CLEC16A: variants seen among roughly 807,000 people sequenced by gnomAD.
The protein encoded by CLEC16A is protein CLEC16A.
Under a neutral mutation model 109.5 loss-of-function variants are expected in CLEC16A, and 51 were observed. The observed-to-expected ratio is 0.47, with a 90% CI of 0.37 to 0.59. The LOEUF (loss-of-function observed/expected upper bound fraction) is 0.59, where lower values mean the gene tolerates loss of function less well. Among genes scored for constraint, CLEC16A ranks in the 20% least tolerant of loss-of-function variants. The probability of loss-of-function intolerance (pLI) is 0.00; values close to 1 mark genes in which losing one functional copy is unlikely to be tolerated. For missense variants in CLEC16A, 1,339 were observed against 1,394.0 expected (o/e 0.96, Z 0.63); for synonymous variants, 673 against 564.2 (o/e 1.19, Z -2.73).
rs190206582 is a variant in CLEC16A at position 11,156,079 on chromosome 16, T to C, written c.2642-10309T>C. Reference sequence around the variant, plus strand: ...TTGCTGGGGAAGAATCTGGCGCTCCTGGCCGGGCATGGTGGCTCATGCCTG... The same window carrying C: ...TTGCTGGGGAAGAATCTGGCGCTCCCGGCCGGGCATGGTGGCTCATGCCTG... On this transcript the variant is annotated intron_variant, in intron 22 of 23. Transcript: ENST00000409790. Among the ~76,000 whole-genome samples, 42 of 152,234 alleles carry C rather than the reference T, an allele frequency of 2.8e-4. No homozygotes were observed. In the East Asian group the frequency reaches 6.4e-3, roughly 23 times the overall value.
At chr16:10,970,701 G>A (rs1272952801) in intron 4 of CLEC16A, among the ~76,000 whole-genome samples, 3 of 152,232 alleles carry the variant, frequency 2.0e-5, no homozygotes, top group Non-Finnish European at 2.9e-5. Flanking sequence ...ACCACTCCCA[G>A]CCAATCAATC....
chr16:11,152,215 C>G (rs1205807039), intron 22 of CLEC16A, among the ~76,000 whole-genome samples: 1 of 152,144 alleles, frequency 6.6e-6, no homozygotes, highest in Non-Finnish European at 1.5e-5. Context: ...AAAGTGGAAG[C>G]CTTAGGCCGG....
chr16:10,948,988 A>G (rs1207752039), intron 1 of CLEC16A, among the ~76,000 whole-genome samples: 2 of 152,148 alleles, frequency 1.3e-5, no homozygotes, highest in African/African-American at 4.8e-5. Context: ...ACTCTGGCCA[A>G]AGGTATAGGG....
At chr16:11,117,957 G>A (rs1202338378) in intron 19 of CLEC16A, among the ~76,000 whole-genome samples, 3 of 151,920 alleles carry the variant, frequency 2.0e-5, no homozygotes, top group Admixed American at 1.3e-4. Flanking sequence ...TTGAATTTGG[G>A]GATAACTTTC....
At position 11,060,909 on chromosome 16, in the gene CLEC16A, G is replaced by A; in HGVS notation, c.2003G>A (p.Arg668Gln). The A allele has an allele frequency of 1.2e-6, 2 of 1,609,782 alleles. No homozygotes were observed. Among genetic ancestry groups the A allele is most frequent in the Non-Finnish European group, 1.7e-6 (2 of 1,177,926 alleles). ...TCTGAACTGTTGGTCCAGGCCATCC[G>A]GGTGTTCTTCATGCTGCGTTCCCTG... is the stretch of plus-strand genomic sequence containing the variant. ...GDVEKTRRAI[R>Q]VFFMLRSLSL... The change falls in exon 19 of 24, where the codon CGG becomes CAG. Residue 668 changes from arginine to glutamine, a missense_variant. Physicochemically the swap from Arg to Gln is conservative, Grantham distance 43. Around this residue, in one of 3 missense-constraint regions of CLEC16A, gnomAD observed 1,061 missense variants for 1,006.8 expected, o/e 1.05. Coordinates refer to ENST00000409790, the MANE Select transcript of CLEC16A (RefSeq NM_015226.3).
At chr16:10,995,966 CAG>C (rs2044303271) in intron 10 of CLEC16A, among the ~76,000 whole-genome samples, 1 of 152,174 alleles carries the variant, frequency 6.6e-6, no homozygotes, top group African/African-American at 2.4e-5. Context: ...TTGATAGATT[CAG>C]ACAGAATCTC....
At chr16:11,169,344 T>C (rs1040999170) in intron 23 of CLEC16A, among the ~76,000 whole-genome samples, 2 of 152,202 alleles carry the variant, frequency 1.3e-5, no homozygotes, top group African/African-American at 4.8e-5. Flanking sequence ...TGAAGTGCAG[T>C]GTCGCAGTCT....
At chr16:11,034,926 A>AGTGT (rs373358730) in intron 13 of CLEC16A, among the ~76,000 whole-genome samples, 1 of 151,542 alleles carries the variant, frequency 6.6e-6, no homozygotes, top group Non-Finnish European at 1.5e-5. Context: ...TGTGTGTATG[A>AGTGT]GTGTGTGTGT....
chr16:11,099,436 C>T (rs1384638541), intron 19 of CLEC16A, among the ~76,000 whole-genome samples: 3 of 152,166 alleles, frequency 2.0e-5, no homozygotes, highest in Admixed American at 6.5e-5. Context: ...AGCAAGACAA[C>T]GGAAAAAGGA....
At chr16:10,962,859 A>G (rs1226593008) in intron 3 of CLEC16A, among the ~76,000 whole-genome samples, 1 of 152,144 alleles carries the variant, frequency 6.6e-6, no homozygotes, top group Admixed American at 6.5e-5. Context: ...GGAGTTTGAG[A>G]ACAGCCTGGA....
At chr16:11,139,941 A>G (rs1016817235) in intron 22 of CLEC16A, among the ~76,000 whole-genome samples, 26 of 152,228 alleles carry the variant, frequency 1.7e-4, no homozygotes, top group African/African-American at 5.8e-4. Context: ...GGAGATAAGT[A>G]TGTAAATACT....
At chr16:11,130,427 C>A (rs921947158) in intron 22 of CLEC16A, among the ~76,000 whole-genome samples, 1 of 152,204 alleles carries the variant, frequency 6.6e-6, no homozygotes, top group African/African-American at 2.4e-5. Flanking sequence ...CAGCATCCCT[C>A]GGCTAAATTT....
At chr16:11,165,209 G>T (rs544463946) in intron 22 of CLEC16A, among the ~76,000 whole-genome samples, 2 of 152,186 alleles carry the variant, frequency 1.3e-5, no homozygotes, top group African/African-American at 4.8e-5. Flanking sequence ...AACACGTATC[G>T]GCCAGGTGTG....
intron 10 of CLEC16A, among the ~76,000 whole-genome samples, chr16:10,998,156 G>A (rs2044440952): frequency 6.6e-6 from 1 of 152,220 alleles, no homozygotes; most frequent in African/African-American, 2.4e-5. Context: ...GAAAAAGCAA[G>A]GACCAAAGCC....
intron 23 of CLEC16A, 45 bp downstream of exon 23, chr16:11,166,597 C>G: frequency 6.6e-7 from 1 of 1,511,262 alleles, no homozygotes; most frequent in Non-Finnish European, 8.9e-7. Flanking sequence ...TTGGAGAACC[C>G]CGTGATCCCT....
chr16:11,007,504 G>A (rs538497720), intron 11 of CLEC16A, among the ~76,000 whole-genome samples: 145 of 152,330 alleles, frequency 9.5e-4, no homozygotes, highest in Non-Finnish European at 1.7e-3. Context: ...CTCTGGGCAA[G>A]TAATTGCCCT....
chr16:10,983,782 G>A (rs1261282151), intron 10 of CLEC16A, among the ~76,000 whole-genome samples: 1 of 152,012 alleles, frequency 6.6e-6, no homozygotes, highest in East Asian at 1.9e-4. Context: ...TCCAGCATTT[G>A]TGCCTTTGAA....
chr16:10,987,587 G>C (rs1596905896), intron 10 of CLEC16A, among the ~76,000 whole-genome samples: 1 of 152,308 alleles, frequency 6.6e-6, no homozygotes, highest in East Asian at 1.9e-4. Flanking sequence ...ACATGTGTCG[G>C]CTTTCTGCTT....
chr16:11,019,998 G>T (rs756266953), intron 11 of CLEC16A, among the ~76,000 whole-genome samples, 195 bp from the exon 12 acceptor site: 5 of 152,238 alleles, frequency 3.3e-5, no homozygotes, highest in Non-Finnish European at 7.3e-5. Context: ...TTGCTGTGAT[G>T]AATGGAAAGA....
Sources: allele counts gnomAD v4.1 joint callset (sites outside exome capture counted in the v4.1 genomes callset), GRCh38; gene constraint gnomAD v4.1.1; regional missense constraint gnomAD v4.1.1; transcripts MANE v1.5; gene names NCBI Gene and HGNC (gene_info 2026-07-23, HGNC 2026-07-21).